UBXN2A: variants seen among roughly 807,000 people sequenced by gnomAD.
UBXN2A encodes UBX domain protein 2A, also known as UBX domain-containing protein 2A.
Under a neutral mutation model 28.4 loss-of-function variants are expected in UBXN2A, and 28 were observed. The ratio of observed to expected loss-of-function variants is 0.99; its 90% CI spans 0.73 to 1.35. The LOEUF is 1.35. Among genes scored for constraint, UBXN2A ranks in the 40% most tolerant of loss-of-function variants. UBXN2A has a pLI of 0.00. For missense variants in UBXN2A, 253 were observed against 297.9 expected (o/e 0.85, Z 1.11); for synonymous variants, 97 against 103.6 (o/e 0.94, Z 0.39).
In UBXN2A at chr2:23,993,112, T is replaced by A. The variant is rs111614389; in HGVS notation, c.585-6560T>A. Among the ~76,000 whole-genome samples the A allele has an allele frequency of 6.8e-3, 1,043 of 152,326 alleles. 15 individuals carry two copies. The highest frequency in any genetic ancestry group is 0.022 in the African/African-American group (932 of 41,576). ...ATCACACAACTGATTATCATAATAA[T>A]AGAAGAAGCACAAGTTTGAAATTGT... On this transcript the variant is annotated intron_variant, in intron 6 of 6. Transcript: ENST00000309033.
In UBXN2A at chr2:23,971,370, A is replaced by G. The variant is rs1274202072; in HGVS notation, c.136A>G (p.Lys46Glu). The change falls in exon 3 of 7, where the codon AAG (lysine) becomes GAG (glutamate). Residue 46 changes from lysine (K) to glutamate (E), a missense_variant. By Grantham distance (56) the Lys-to-Glu change is moderately conservative. Transcript: ENST00000309033. ...TGATAGCCTTTTTGAGGAAGCTCAGAAGGTTAGTTCCAAATGTGTGTCTCC... is the reference window on the plus strand; with the variant it reads ...TGATAGCCTTTTTGAGGAAGCTCAGGAGGTTAGTTCCAAATGTGTGTCTCC... Reference protein sequence around the residue: ...FVDSLFEEAQKVSSKCVSPAE... With the variant: ...FVDSLFEEAQEVSSKCVSPAE... The G allele has an allele frequency of 1.9e-6, 3 of 1,578,008 alleles. No homozygotes were observed. The highest frequency in any genetic ancestry group is 3.4e-5 in the Admixed American group (2 of 59,500).
intron 2 of UBXN2A, among the ~76,000 whole-genome samples, chr2:23,964,834 A>G (rs1352299594): frequency 6.6e-6 from 1 of 152,010 alleles, no homozygotes; most frequent in Admixed American, 6.6e-5. Context: ...TATTATAGGA[A>G]CTCCTGACAT....
chr2:23,966,290 C>G (rs577839507), intron 2 of UBXN2A, among the ~76,000 whole-genome samples: 15 of 152,088 alleles, frequency 9.9e-5, no homozygotes, highest in African/African-American at 3.6e-4. Context: ...AGGCACATGC[C>G]ACCACTCCAG....
At chr2:23,982,487 TTAGGTACTGCTA>T (rs1351077609) in intron 4 of UBXN2A, among the ~76,000 whole-genome samples, 1 of 152,062 alleles carries the variant, frequency 6.6e-6, no homozygotes, top group Non-Finnish European at 1.5e-5. Context: ...TAGTACTATT[TTAGGTACTGCTA>T]TAAAACTCAT....
At chr2:23,945,693 C>A (rs1446169175) in intron 1 of UBXN2A, among the ~76,000 whole-genome samples, 1 of 151,912 alleles carries the variant, frequency 6.6e-6, no homozygotes, top group Non-Finnish European at 1.5e-5. Context: ...AAAAAGTGGC[C>A]AGTTTTTTGT....
intron 1 of UBXN2A, among the ~76,000 whole-genome samples, chr2:23,932,149 C>T (rs1368459054): frequency 1.3e-5 from 2 of 152,086 alleles, no homozygotes; most frequent in Non-Finnish European, 2.9e-5. Flanking sequence ...GAAACCCCAT[C>T]TCTACTAAAA....
At chr2:23,968,254 C>T (rs2150860395) in intron 2 of UBXN2A, among the ~76,000 whole-genome samples, 1 of 152,238 alleles carries the variant, frequency 6.6e-6, no homozygotes, top group East Asian at 1.9e-4. Flanking sequence ...AAAAATAATA[C>T]CTACCTTTAG....
intron 2 of UBXN2A, 134 bp downstream of exon 2, chr2:23,958,489 T>G (rs1417560445): frequency 4.0e-6 from 3 of 749,150 alleles, no homozygotes; most frequent in Non-Finnish European, 5.8e-6. Context: ...ATCTACTATG[T>G]TGAAGTAATT....
chr2:23,999,545 T>C (rs1224961123), intron 6 of UBXN2A, 127 bp from the exon 7 acceptor site: 4 of 1,048,114 alleles, frequency 3.8e-6, no homozygotes, highest in Non-Finnish European at 5.5e-6. Flanking sequence ...CACTGCATCC[T>C]GGGTGACAAA....
At chr2:23,945,386 A>AT (rs1706017029) in intron 1 of UBXN2A, among the ~76,000 whole-genome samples, 1 of 152,232 alleles carries the variant, frequency 6.6e-6, no homozygotes, top group South Asian at 2.1e-4. Flanking sequence ...AAAAGATTTC[A>AT]TTTTCTATCA....
At chr2:23,970,797 A>G (rs948841946) in intron 2 of UBXN2A, among the ~76,000 whole-genome samples, 2 of 151,888 alleles carry the variant, frequency 1.3e-5, no homozygotes, top group African/African-American at 4.8e-5. Context: ...GAGTCTCATA[A>G]GGAGCCTGCA....
chr2:23,941,901 C>T (rs1237422038), intron 1 of UBXN2A, among the ~76,000 whole-genome samples: 3 of 152,008 alleles, frequency 2.0e-5, no homozygotes, highest in African/African-American at 7.2e-5. Context: ...GGTGAAACCC[C>T]GTCTCTCTCT....
intron 2 of UBXN2A, among the ~76,000 whole-genome samples, chr2:23,962,114 A>G (rs753547153): frequency 6.6e-6 from 1 of 152,100 alleles, no homozygotes; most frequent in Non-Finnish European, 1.5e-5. Context: ...CAAAAGTGCT[A>G]GGATTACAGG....
At position 23,971,386 on chromosome 2, in the gene UBXN2A, G is replaced by T; in HGVS notation, c.152G>T (p.Cys51Phe). The change falls in exon 3 of 7, where the codon TGT becomes TTT. Residue 51 changes from cysteine to phenylalanine, a missense_variant. Physicochemically the swap from Cys to Phe is radical, Grantham distance 205. Coordinates refer to ENST00000309033, the MANE Select transcript of UBXN2A (RefSeq NM_181713.4). ...FEEAQKVSSK[C>F]VSPAEQKKQV... ...GAAGCTCAGAAGGTTAGTTCCAAAT[G>T]TGTGTCTCCCGCTGAACAGAAGAAA... is the stretch of plus-strand genomic sequence containing the variant. The T allele has an allele frequency of 6.4e-7, 1 of 1,564,348 alleles. No homozygotes were observed. Among genetic ancestry groups the T allele is most frequent in the Non-Finnish European group, 8.7e-7 (1 of 1,145,144 alleles).
At chr2:23,982,146 T>A (rs529636632) in intron 4 of UBXN2A, among the ~76,000 whole-genome samples, 1 of 147,682 alleles carries the variant, frequency 6.8e-6, no homozygotes, top group East Asian at 2.1e-4. Flanking sequence ...GAACACAAGG[T>A]CAGGAGATCG....
intron 2 of UBXN2A, among the ~76,000 whole-genome samples, chr2:23,961,590 C>T (rs570199967): frequency 4.0e-5 from 5 of 123,536 alleles, no homozygotes; most frequent in Non-Finnish European, 8.0e-5. Flanking sequence ...GCTCTGTCAC[C>T]AGGCTGGAGC....
intron 6 of UBXN2A, among the ~76,000 whole-genome samples, chr2:23,985,940 A>G (rs1334504568): frequency 2.6e-5 from 4 of 151,972 alleles, no homozygotes; most frequent in Non-Finnish European, 5.9e-5. Flanking sequence ...AGTGAGCCGA[A>G]TTGCACCATT....
intron 6 of UBXN2A, among the ~76,000 whole-genome samples, chr2:23,995,147 G>T (rs2150919183): frequency 6.6e-6 from 1 of 152,122 alleles, no homozygotes; most frequent in African/African-American, 2.4e-5. Context: ...TTCTTTATGG[G>T]TCCCTCTGTT....
chr2:23,940,916 G>A (rs1340558142), intron 1 of UBXN2A, among the ~76,000 whole-genome samples: 2 of 152,290 alleles, frequency 1.3e-5, no homozygotes, highest in Non-Finnish European at 2.9e-5. Flanking sequence ...CTAGCTGAAG[G>A]CACAGCTCCT....
Sources: allele counts gnomAD v4.1 joint callset (sites outside exome capture counted in the v4.1 genomes callset), GRCh38; gene constraint gnomAD v4.1.1; transcripts MANE v1.5; gene names NCBI Gene and HGNC (gene_info 2026-07-23, HGNC 2026-07-21).